Variants in KLF17 observed in about 807,000 individuals in gnomAD.
KLF17 encodes Krueppel-like factor 17.
Under a neutral mutation model 34.2 loss-of-function variants are expected in KLF17, and 31 were observed. The ratio of observed to expected loss-of-function variants is 0.91; its 90% confidence interval spans 0.68 to 1.22. The LOEUF (loss-of-function observed/expected upper bound fraction) is 1.22. KLF17 is among the 50% of genes most tolerant of loss of function. The probability of loss-of-function intolerance (pLI) is 0.00; values close to 1 mark genes in which losing one functional copy is unlikely to be tolerated. For missense variants in KLF17, 478 were observed against 505.2 expected (o/e 0.95, Z 0.52); for synonymous variants, 179 against 186.7 (o/e 0.96, Z 0.34).
the KLF17 span, among the ~76,000 whole-genome samples, chr1:44,102,373 T>C: frequency 2.5e-4 from 38 of 151,876 alleles, 1 homozygote; most frequent in South Asian, 5.8e-3. Context: ...CCAACAACGG[T>C]GAAACCCTGT....
chr1:44,090,763 A>G, the KLF17 span, among the ~76,000 whole-genome samples: 1 of 152,126 alleles, frequency 6.6e-6, no homozygotes, highest in East Asian at 1.9e-4. Context: ...GGAGAGGCAC[A>G]CTTTGAAGAT....
At chr1:44,115,807 A>T (rs1408237673), upstream of KLF17, 1 of 152,222 alleles carries the variant, frequency 6.6e-6, no homozygotes, top group East Asian at 1.9e-4. Context: ...ATCAAAATTT[A>T]AACAGGTAGA....
At chr1:44,100,022 A>AAG in the KLF17 span, among the ~76,000 whole-genome samples, 2 of 148,618 alleles carry the variant, frequency 1.3e-5, no homozygotes, top group Admixed American at 1.3e-4. Flanking sequence ...GGATCACTTG[A>AAG]GTCAGGAGTT....
intron 1 of KLF17, among the ~76,000 whole-genome samples, chr1:44,120,592 G>GT (rs2087934687): frequency 6.6e-6 from 1 of 152,180 alleles, no homozygotes; most frequent in East Asian, 1.9e-4. Flanking sequence ...ATGAAAGCTG[G>GT]TTCTGTGGAG....
chr1:44,089,247 A>G, the KLF17 span, among the ~76,000 whole-genome samples: 1 of 152,214 alleles, frequency 6.6e-6, no homozygotes, highest in East Asian at 1.9e-4. Flanking sequence ...CTCCAGATGC[A>G]GATGCTGAGA....
At chr1:44,092,321 G>C in the KLF17 span, among the ~76,000 whole-genome samples, 3 of 151,932 alleles carry the variant, frequency 2.0e-5, no homozygotes, top group Non-Finnish European at 2.9e-5. Flanking sequence ...TATCTAGCCT[G>C]GGCAACAAGA....
At chr1:44,103,472 G>A in the KLF17 span, 1 of 884,420 alleles carries the variant, frequency 1.1e-6, no homozygotes, top group Admixed American at 1.7e-5. Context: ...AGCTGAGGCC[G>A]GGGCTCGTGA....
At chr1:44,125,960 C>A (rs1208460105) in intron 1 of KLF17, among the ~76,000 whole-genome samples, 1 of 152,134 alleles carries the variant, frequency 6.6e-6, no homozygotes, top group African/African-American at 2.4e-5. Context: ...TCAGAAACAG[C>A]AAATAACAAT....
At chr1:44,081,801 C>T in the KLF17 span, among the ~76,000 whole-genome samples, 47 of 152,234 alleles carry the variant, frequency 3.1e-4, no homozygotes, top group Non-Finnish European at 5.1e-4. Context: ...TAGAGATTTT[C>T]CTTAGTTCCT....
intron 1 of KLF17, among the ~76,000 whole-genome samples, chr1:44,127,846 T>C (rs1300956875): frequency 2.6e-5 from 4 of 151,166 alleles, no homozygotes; most frequent in Non-Finnish European, 5.9e-5. Flanking sequence ...TCCCTTGATT[T>C]GTAGCAACAA....
the KLF17 span, among the ~76,000 whole-genome samples, chr1:44,110,844 TG>T: frequency 2.0e-5 from 3 of 151,950 alleles, no homozygotes; most frequent in Admixed American, 2.0e-4. Flanking sequence ...GTGCTTCAGC[TG>T]GCATGGTGGC....
At chr1:44,080,329 C>T in the KLF17 span, among the ~76,000 whole-genome samples, 12 of 149,788 alleles carry the variant, frequency 8.0e-5, no homozygotes, top group Admixed American at 3.4e-4. Context: ...AGCCCCGCCT[C>T]CCGGGTTCAC....
the KLF17 span, among the ~76,000 whole-genome samples, chr1:44,078,523 C>T: frequency 6.6e-5 from 10 of 151,740 alleles, no homozygotes; most frequent in East Asian, 1.9e-4. Flanking sequence ...CTGCAACCTC[C>T]GCCTCCTGGG....
chr1:44,053,481 C>G, the KLF17 span, among the ~76,000 whole-genome samples: 1 of 152,106 alleles, frequency 6.6e-6, no homozygotes, highest in Non-Finnish European at 1.5e-5. Context: ...CACCACTTCT[C>G]TAGTGCAGAA....
the KLF17 span, among the ~76,000 whole-genome samples, chr1:44,075,709 A>G: frequency 1.2e-4 from 18 of 152,062 alleles, no homozygotes; most frequent in East Asian, 1.5e-3. Context: ...CTTTTTCCCT[A>G]TTTTCTGTAA....
At chr1:44,131,293 A>T (rs1200120442) in intron 3 of KLF17, among the ~76,000 whole-genome samples, 1 of 152,176 alleles carries the variant, frequency 6.6e-6, no homozygotes, top group African/African-American at 2.4e-5. Flanking sequence ...GAGTTTAGTC[A>T]GATGCGAATG....
At chr1:44,100,279 AG>A in the KLF17 span, among the ~76,000 whole-genome samples, 84 of 149,660 alleles carry the variant, frequency 5.6e-4, 2 homozygotes, top group Non-Finnish European at 7.9e-4. Context: ...AAAAAGAGAG[AG>A]AGAGAAAGAA....
chr1:44,066,821 T>C, the KLF17 span, among the ~76,000 whole-genome samples: 1 of 152,176 alleles, frequency 6.6e-6, no homozygotes, highest in Non-Finnish European at 1.5e-5. Flanking sequence ...ACACATGGAA[T>C]ATGACACAGC....
chr1:44,131,869 A>AT (rs1461189874), intron 3 of KLF17, among the ~76,000 whole-genome samples: 1 of 152,140 alleles, frequency 6.6e-6, no homozygotes, highest in African/African-American at 2.4e-5. Context: ...TAATTTTTGT[A>AT]TTTTTTGTAG....
Sources: gnomAD v4.1 joint callset for allele counts (sites outside exome capture counted in the v4.1 genomes callset) on GRCh38, gnomAD v4.1.1 for gene constraint, MANE v1.5 for transcripts, NCBI Gene and HGNC (gene_info 2026-07-23, HGNC 2026-07-21) for gene names.